Variants in TACC1 observed in about 807,000 individuals in gnomAD.
TACC1 encodes transforming acidic coiled-coil-containing protein 1.
A neutral mutation model predicts 84.4 loss-of-function variants in TACC1; 48 were observed. That is an observed-to-expected ratio of 0.57 (90% confidence interval 0.45 to 0.72). The LOEUF (loss-of-function observed/expected upper bound fraction) is 0.72, where lower values mean the gene tolerates loss of function less well. TACC1 is among the 30% of genes least tolerant of loss of function. TACC1 has a pLI of 0.00. For synonymous variants in TACC1, 372 were observed against 376.3 expected, an observed-to-expected ratio of 0.99 and a Z score of 0.13; for missense variants, 920 against 973.0, an observed-to-expected ratio of 0.95 and a Z score of 0.72.
chr8:38,814,555 A>G (rs558544544), intron 2 of TACC1, among the ~76,000 whole-genome samples: 2 of 152,340 alleles, frequency 1.3e-5, no homozygotes, highest in African/African-American at 4.8e-5. Flanking sequence ...TAGTAAATAT[A>G]CCATCTAGGT....
intron 2 of TACC1, among the ~76,000 whole-genome samples, chr8:38,801,723 AT>A (rs1329278822): frequency 1.3e-5 from 2 of 152,150 alleles, no homozygotes; most frequent in South Asian, 2.1e-4. Context: ...TTCTATATGA[AT>A]TTTAGAATCA....
chr8:38,819,576 C>T lies in TACC1; in HGVS notation c.332C>T (p.Ser111Phe). The T allele has an allele frequency of 1.2e-6, 2 of 1,614,192 alleles. No individual in the cohort carries two copies. Among genetic ancestry groups the T allele is most frequent in the South Asian group, 1.1e-5 (1 of 91,082 alleles). Reference sequence around the variant, plus strand: ...GCAGAAGTGGTTGAAAAATGTTCATCTAAGACTTGTTCTAAACCTTCAGAA... The same window carrying T: ...GCAGAAGTGGTTGAAAAATGTTCATTTAAGACTTGTTCTAAACCTTCAGAA... ...LVAEVVEKCS[S>F]KTCSKPSENE... The change falls in exon 3 of 13, where the codon TCT (serine) becomes TTT (phenylalanine). Residue 111 changes from serine (S) to phenylalanine (F), a missense_variant. Ser to Phe is a radical substitution (Grantham distance 155). Around this residue, in one of 2 missense-constraint regions of TACC1, gnomAD observed 762 missense variants for 747.3 expected, o/e 1.02. Transcript: ENST00000317827.
At chr8:38,825,012 G>A (rs887793394) in intron 3 of TACC1, among the ~76,000 whole-genome samples, 9 of 152,114 alleles carry the variant, frequency 5.9e-5, no homozygotes, top group African/African-American at 9.7e-5. Context: ...TTTTGGTGGC[G>A]TGTAATTAAA....
In TACC1 at chr8:38,800,286, C is replaced by A. The variant is rs567550690; in HGVS notation, c.277+11467C>A. Among the ~76,000 whole-genome samples, 74 of 152,330 alleles carry A rather than the reference C, an allele frequency of 4.9e-4. No homozygotes were observed. The Middle Eastern group carries it at 0.01, about 21-fold the overall frequency. On this transcript the variant is annotated intron_variant, in intron 2 of 12. Coordinates refer to ENST00000317827, the MANE Select transcript of TACC1 (RefSeq NM_006283.3). ...TATAGTTTACCTGCCATACAATTCA[C>A]CATTTAAAAGCTTTATGATAGTTTT...
At chr8:38,728,805 C>G (rs1271787262) in intron 1 of TACC1, 2 of 152,170 alleles carry the variant, frequency 1.3e-5, no homozygotes, top group Non-Finnish European at 2.9e-5. Context: ...GGACTGGCCT[C>G]GAATCTGGAA....
chr8:38,843,258 C>T, intron 10 of TACC1, 31 bp from the exon 11 acceptor site: 1 of 1,454,854 alleles, frequency 6.9e-7, no homozygotes, highest in Non-Finnish European at 9.3e-7. Flanking sequence ...ACAAAATGAC[C>T]TGTTTATTTT....
At chr8:38,743,345 A>C (rs994626976) in intron 2 of TACC1, among the ~76,000 whole-genome samples, 2 of 152,184 alleles carry the variant, frequency 1.3e-5, no homozygotes, top group African/African-American at 4.8e-5. Flanking sequence ...AGCCTTGAGG[A>C]GGAAGAGAAA....
intron 2 of TACC1, among the ~76,000 whole-genome samples, chr8:38,806,266 G>C (rs183646121): frequency 6.6e-6 from 1 of 152,274 alleles, no homozygotes; most frequent in Admixed American, 6.5e-5. Context: ...TGGTGTGACA[G>C]TACAGAGCAA....
intron 3 of TACC1, among the ~76,000 whole-genome samples, chr8:38,779,063 T>C (rs1381426239): frequency 1.2e-4 from 18 of 151,576 alleles, no homozygotes; most frequent in Non-Finnish European, 1.2e-4. Context: ...TACTTCAGCC[T>C]TGACCTTCTG....
intron 3 of TACC1, among the ~76,000 whole-genome samples, chr8:38,749,071 A>T (rs1256226954): frequency 6.6e-6 from 1 of 152,180 alleles, no homozygotes; most frequent in East Asian, 1.9e-4. Flanking sequence ...AAAAAAAATG[A>T]ACAATATCAA....
upstream of TACC1, among the ~76,000 whole-genome samples, chr8:38,782,739 T>C (rs540661734): frequency 3.6e-4 from 55 of 152,342 alleles, 1 homozygote; most frequent in South Asian, 0.011. Flanking sequence ...TAGAAGATAT[T>C]TCTAAATTTA....
At chr8:38,811,054 A>G (rs1250337019) in intron 2 of TACC1, among the ~76,000 whole-genome samples, 2 of 151,814 alleles carry the variant, frequency 1.3e-5, no homozygotes, top group Non-Finnish European at 2.9e-5. Flanking sequence ...GGAGGTCGAG[A>G]TTGGAGTGAG....
At chr8:38,824,949 G>T (rs1040242657) in intron 3 of TACC1, among the ~76,000 whole-genome samples, 3 of 152,202 alleles carry the variant, frequency 2.0e-5, no homozygotes, top group African/African-American at 7.2e-5. Context: ...AAGCGAGTGA[G>T]GCTCAGAGGA....
At chr8:38,777,556 A>C (rs1815076701) in intron 3 of TACC1, among the ~76,000 whole-genome samples, 1 of 152,200 alleles carries the variant, frequency 6.6e-6, no homozygotes, top group African/African-American at 2.4e-5. Flanking sequence ...CCAAGGGGTG[A>C]GAATTGCTTG....
intron 2 of TACC1, among the ~76,000 whole-genome samples, chr8:38,808,720 G>T (rs1331299444): frequency 2.0e-5 from 3 of 152,230 alleles, no homozygotes; most frequent in Admixed American, 1.3e-4. Context: ...CTGGCCTAGT[G>T]TTTTAGGGCA....
intron 3 of TACC1, among the ~76,000 whole-genome samples, chr8:38,780,085 C>T (rs1324623338): frequency 6.6e-6 from 1 of 152,118 alleles, no homozygotes; most frequent in Non-Finnish European, 1.5e-5. Context: ...TAAATGTAAC[C>T]AAATCTATCT....
intron 3 of TACC1, among the ~76,000 whole-genome samples, chr8:38,767,795 T>C (rs931605101): frequency 6.6e-6 from 1 of 152,188 alleles, no homozygotes; most frequent in African/African-American, 2.4e-5. Flanking sequence ...CCGGGCACAG[T>C]GGCTCACGTC....
intron 1 of TACC1, among the ~76,000 whole-genome samples, chr8:38,734,968 G>A (rs187014019): frequency 2.0e-5 from 3 of 152,352 alleles, no homozygotes; most frequent in Non-Finnish European, 4.4e-5. Context: ...TGCATACCAC[G>A]TGAGAACACA....
intron 3 of TACC1, among the ~76,000 whole-genome samples, chr8:38,753,466 G>C (rs1430076840): frequency 2.0e-5 from 3 of 152,170 alleles, no homozygotes; most frequent in Non-Finnish European, 4.4e-5. Context: ...ATTAATCAGA[G>C]GAACTGCAGA....
Sources: allele counts gnomAD v4.1 joint callset (sites outside exome capture counted in the v4.1 genomes callset), GRCh38; gene constraint gnomAD v4.1.1; regional missense constraint gnomAD v4.1.1; transcripts MANE v1.5; gene names NCBI Gene and HGNC (gene_info 2026-07-23, HGNC 2026-07-21).